Variants in DOCK3 observed in about 807,000 individuals in gnomAD.
DOCK3 encodes the protein dedicator of cytokinesis protein 3.
Under a neutral mutation model 265.6 loss-of-function variants are expected in DOCK3, and 60 were observed. The observed-to-expected ratio is 0.23, with a 90% CI of 0.18 to 0.28. DOCK3 has a LOEUF of 0.28. Among genes scored for constraint, DOCK3 ranks in the 10% least tolerant of loss-of-function variants. The probability of loss-of-function intolerance (pLI) is 1.00; values close to 1 mark genes in which losing one functional copy is unlikely to be tolerated. For missense variants in DOCK3, 1,981 were observed against 2,594.3 expected (o/e 0.76, Z 5.14); for synonymous variants, 881 against 938.0 (o/e 0.94, Z 1.11).
At chr3:51,231,272 G>A (rs772820156) in intron 19 of DOCK3, among the ~76,000 whole-genome samples, 116 of 151,836 alleles carry the variant, frequency 7.6e-4, no homozygotes, top group Middle Eastern at 6.8e-3. Flanking sequence ...GGTATTACAG[G>A]CATGTGCCAC....
intron 12 of DOCK3, among the ~76,000 whole-genome samples, chr3:51,201,556 C>T (rs2088775730): frequency 6.6e-6 from 1 of 152,120 alleles, no homozygotes; most frequent in African/African-American, 2.4e-5. Flanking sequence ...GACTTAGACT[C>T]CCACACATTA....
At chr3:51,278,615 CAT>C (rs58166776) in intron 26 of DOCK3, 409,426 of 568,116 alleles carry the variant, frequency 0.72, 134,246 homozygotes, top group African/African-American at 0.78. Flanking sequence ...AAGTAAAAAA[CAT>C]ATATATATAT....
intron 49 of DOCK3, among the ~76,000 whole-genome samples, chr3:51,370,321 C>T (rs1038964977): frequency 7.2e-5 from 11 of 152,126 alleles, no homozygotes; most frequent in African/African-American, 2.7e-4. Flanking sequence ...ATATCTAAGA[C>T]TTTATCTGGT....
intron 5 of DOCK3, among the ~76,000 whole-genome samples, chr3:50,982,762 C>T (rs1024698971): frequency 5.3e-5 from 8 of 152,118 alleles, no homozygotes; most frequent in African/African-American, 1.9e-4. Context: ...CCAGTGGAGA[C>T]GCAGTGTGGT....
chr3:50,810,710 GA>G (rs2043700419), intron 2 of DOCK3, among the ~76,000 whole-genome samples: 1 of 150,838 alleles, frequency 6.6e-6, no homozygotes, highest in East Asian at 1.9e-4. Flanking sequence ...TTAAATAAAA[GA>G]GCCCAAATAG....
intron 49 of DOCK3, among the ~76,000 whole-genome samples, chr3:51,364,660 A>G (rs962211445): frequency 6.6e-6 from 1 of 152,188 alleles, no homozygotes; most frequent in African/African-American, 2.4e-5. Context: ...TAATTTTTGT[A>G]TGAGGTGTAA....
intron 50 of DOCK3, among the ~76,000 whole-genome samples, chr3:51,375,031 C>T (rs2087988458): frequency 6.6e-6 from 1 of 152,230 alleles, no homozygotes; most frequent in Non-Finnish European, 1.5e-5. Context: ...TGAAGTCCCT[C>T]ACTACCTGCT....
intron 5 of DOCK3, among the ~76,000 whole-genome samples, chr3:51,031,444 G>A (rs1164806836): frequency 6.6e-6 from 1 of 152,172 alleles, no homozygotes; most frequent in African/African-American, 2.4e-5. Context: ...TCTGAATGGG[G>A]AGCAAGAGGA....
intron 5 of DOCK3, among the ~76,000 whole-genome samples, chr3:50,989,657 T>A (rs920805065): frequency 7.0e-6 from 1 of 142,894 alleles, no homozygotes; most frequent in Non-Finnish European, 1.6e-5. Context: ...TTGACTGTAC[T>A]CAATCTACAC....
rs984497731 is a variant in DOCK3, at chr3:50,741,320, A to G, written c.38-37355A>G. On this transcript the variant is annotated intron_variant, in intron 1 of 52. Transcript: ENST00000266037. Reference sequence around the variant, plus strand: ...TTAAGTTTTAGGGTACATGTGCACAATGTGCAGATTAGTTACATATGTATA... The same window carrying G: ...TTAAGTTTTAGGGTACATGTGCACAGTGTGCAGATTAGTTACATATGTATA... Among the ~76,000 whole-genome samples the G allele has an allele frequency of 2.0e-5, 3 of 151,338 alleles. No homozygotes were observed. The East Asian group carries it at 5.8e-4, about 30-fold the overall frequency.
intron 2 of DOCK3, among the ~76,000 whole-genome samples, chr3:50,836,660 A>G (rs1447098383): frequency 6.6e-6 from 1 of 152,140 alleles, no homozygotes; most frequent in Non-Finnish European, 1.5e-5. Flanking sequence ...CATGCCCCAG[A>G]GACACTTTCC....
intron 32 of DOCK3, among the ~76,000 whole-genome samples, chr3:51,329,549 G>T (rs2084379461): frequency 2.6e-5 from 4 of 152,182 alleles, no homozygotes; most frequent in Admixed American, 1.3e-4. Context: ...AAATGCAGGG[G>T]CCCGGTGATG....
At chr3:51,230,725 C>A (rs1169114656) in intron 19 of DOCK3, among the ~76,000 whole-genome samples, 1 of 152,158 alleles carries the variant, frequency 6.6e-6, no homozygotes, top group Non-Finnish European at 1.5e-5. Context: ...CCATGTTGGC[C>A]AGGATGGTCT....
intron 5 of DOCK3, among the ~76,000 whole-genome samples, chr3:50,944,075 G>A (rs535818024): frequency 6.6e-6 from 1 of 152,228 alleles, no homozygotes; most frequent in African/African-American, 2.4e-5. Context: ...GTGATATTTA[G>A]CATGTTAGCA....
At position 51,381,582 on chromosome 3, in the gene DOCK3, G is replaced by A; in HGVS notation, c.*23G>A. The stretch of plus-strand genomic sequence containing the variant: ...TGAGGGGCAACGAGGCGGCTGGGAT[G>A]CCGCCCTCAGTAAGCAGCTTGCCAA... On this transcript the variant is annotated 3_prime_UTR_variant, in exon 53 of 53. Transcript: ENST00000266037. The surrounding 1 kb of genome is among the most constrained non-coding windows in gnomAD (Gnocchi z 5.6). 1.4e-6 allele frequency: 2 copies of A among 1,478,672 alleles called. No individual in the cohort carries two copies. The highest frequency in any genetic ancestry group is 1.8e-6 in the Non-Finnish European group (2 of 1,120,028). 91.6% of individuals were successfully genotyped at this position (1,478,672 alleles called of 1,614,324 possible). A position where few individuals can be genotyped will look rare whatever the true frequency, so the allele number is the denominator to read the frequency against.
At chr3:51,045,353 C>T (rs2080728142) in intron 5 of DOCK3, among the ~76,000 whole-genome samples, 1 of 152,092 alleles carries the variant, frequency 6.6e-6, no homozygotes, top group Non-Finnish European at 1.5e-5. Flanking sequence ...ATTTCTCCAT[C>T]TTATATGGGT....
intron 12 of DOCK3, among the ~76,000 whole-genome samples, chr3:51,185,502 C>T (rs769167537): frequency 1.3e-5 from 2 of 152,158 alleles, no homozygotes; most frequent in Non-Finnish European, 2.9e-5. Context: ...ACAAAATGTA[C>T]GTTCAGAGTT....
intron 3 of DOCK3, among the ~76,000 whole-genome samples, chr3:50,873,358 C>T (rs532705381): frequency 6.6e-6 from 1 of 152,222 alleles, no homozygotes; most frequent in Admixed American, 6.5e-5. Flanking sequence ...GAAAGGGGAC[C>T]TCATGACCTC....
intron 5 of DOCK3, among the ~76,000 whole-genome samples, chr3:50,980,715 G>A (rs9823942): frequency 0.099 from 14,997 of 151,870 alleles, 884 homozygotes; most frequent in Non-Finnish European, 0.12. Flanking sequence ...GAATTTATCA[G>A]TTTTCTGTAG....
Sources: gnomAD v4.1 joint callset for allele counts (sites outside exome capture counted in the v4.1 genomes callset) on GRCh38, gnomAD v4.1.1 for gene constraint, Gnocchi (gnomAD v3.1) non-coding constraint, MANE v1.5 for transcripts, NCBI Gene and HGNC (gene_info 2026-07-23, HGNC 2026-07-21) for gene names.